The following COL6A5 variants were observed in gnomAD, a reference collection of about 807,000 sequenced individuals.
COL6A5 encodes collagen type VI alpha 5 chain.
COL6A5 carries 48 observed loss-of-function variants against 65.6 expected under a neutral mutation model. That is an observed-to-expected ratio of 0.73 (90% CI 0.58 to 0.93). The LOEUF (loss-of-function observed/expected upper bound fraction) is 0.93. COL6A5 is among the 40% of genes least tolerant of loss of function. COL6A5 has a pLI of 0.00. For synonymous variants in COL6A5, 291 were observed against 322.8 expected (o/e 0.90, Z 1.05); for missense variants, 914 against 928.3 (o/e 0.98, Z 0.20).
At chr3:130,424,193 A>G (rs1937563332) in intron 29 of COL6A5, among the ~76,000 whole-genome samples, 1 of 152,158 alleles carries the variant, frequency 6.6e-6, no homozygotes, top group South Asian at 2.1e-4. Context: ...ATTAATAGTA[A>G]ATAAAATATA....
intron 20 of COL6A5, 73 bp downstream of exon 20, chr3:130,410,597 T>TAA: frequency 7.7e-7 from 1 of 1,290,558 alleles, no homozygotes; most frequent in African/African-American, 1.5e-5. Context: ...GAATATTTGT[T>TAA]GTGCACAGTT....
At chr3:130,453,153 C>T (rs539283080) in intron 4 of COL6A5, among the ~76,000 whole-genome samples, 8 of 151,878 alleles carry the variant, frequency 5.3e-5, no homozygotes, top group South Asian at 2.1e-4. Context: ...CCTCAGCTTA[C>T]GAGATGACAG....
At chr3:130,403,587 A>G in intron 12 of COL6A5, 22 bp from the exon 13 acceptor site, 2 of 1,548,136 alleles carry the variant, frequency 1.3e-6, no homozygotes, top group Non-Finnish European at 8.7e-7. Context: ...ACTAAAATGT[A>G]TTGTTCTCTC....
chr3:130,466,493 C>T (rs1709819848), intron 5 of COL6A5, among the ~76,000 whole-genome samples: 1 of 151,824 alleles, frequency 6.6e-6, no homozygotes, highest in African/African-American at 2.4e-5. Flanking sequence ...AAATAAATAG[C>T]ATTAAATGCC....
At chr3:130,402,747 T>C (rs995363436) in intron 12 of COL6A5, among the ~76,000 whole-genome samples, 3 of 152,150 alleles carry the variant, frequency 2.0e-5, no homozygotes, top group African/African-American at 7.2e-5. Context: ...ACCTTATATA[T>C]ATAAAAATTA....
intron 7 of COL6A5, 111 bp from the exon 40 acceptor site, chr3:130,471,571 C>A: frequency 2.0e-6 from 2 of 1,004,630 alleles, no homozygotes; most frequent in East Asian, 2.6e-5. Context: ...TTGGACTATT[C>A]CAATCACATA....
exon 8 of COL6A5, chr3:130,395,311 G>A: frequency 1.3e-6 from 2 of 1,551,438 alleles, no homozygotes; most frequent in South Asian, 2.4e-5. Flanking sequence ...TTTGTGTCCT[G>A]GTTTTGGGCA....
At position 130,398,612 on chromosome 3, in the gene COL6A5, C is replaced by T. The variant is rs1301568547; in HGVS notation, c.3991+501C>T. On this transcript the variant is annotated intron_variant and NMD_transcript_variant, in intron 10 of 41. Coordinates refer to the COL6A5 transcript ENST00000312481. ...ATGCTGCAAATGCTGTGGCCAAGTG[C>T]TTAGACTTATGACCTTCTATATAGA... Among the ~76,000 whole-genome samples, 4 of 152,270 alleles carry T rather than the reference C, an allele frequency of 2.6e-5. No individual in the cohort carries two copies. The South Asian group carries it at 6.2e-4, about 24-fold the overall frequency.
intron 7 of COL6A5, among the ~76,000 whole-genome samples, chr3:130,394,305 T>C (rs1209716908): frequency 6.6e-6 from 1 of 152,178 alleles, no homozygotes; most frequent in African/African-American, 2.4e-5. Context: ...AGATACCAGC[T>C]CCACTCCATA....
chr3:130,391,462 A>T, exon 7 of COL6A5: 2 of 1,551,744 alleles, frequency 1.3e-6, no homozygotes, highest in South Asian at 2.4e-5. Context: ...TCAAGCACGC[A>T]AATGCCCTGT....
chr3:130,439,581 A>T (rs1209675227), exon 2 of COL6A5: 2 of 1,551,344 alleles, frequency 1.3e-6, no homozygotes, highest in Non-Finnish European at 1.7e-6. Flanking sequence ...AAAATCAAAC[A>T]TTAGAAAGAC....
At chr3:130,440,620 A>G in exon 3 of COL6A5, 1 of 1,613,454 alleles carries the variant, frequency 6.2e-7, no homozygotes. Flanking sequence ...ATGAGAGAAA[A>G]GAATTTGTAA....
chr3:130,376,872 C>G (rs555376244), intron 3 of COL6A5, 36 bp downstream of exon 3: 2 of 1,560,438 alleles, frequency 1.3e-6, no homozygotes, highest in Admixed American at 3.7e-5. Flanking sequence ...TGCCTGATCC[C>G]CAGGTGGGTC....
intron 5 of COL6A5, among the ~76,000 whole-genome samples, chr3:130,466,773 G>A (rs529129253): frequency 6.6e-6 from 1 of 152,072 alleles, no homozygotes; most frequent in East Asian, 1.9e-4. Context: ...AGAAATGAGA[G>A]GGGAGATGTA....
At chr3:130,472,121 C>T (rs1057460003) in intron 7 of COL6A5, among the ~76,000 whole-genome samples, 195 bp downstream of exon 40, 2 of 151,894 alleles carry the variant, frequency 1.3e-5, no homozygotes, top group East Asian at 1.9e-4. Context: ...TTGACATATT[C>T]GAATTACAAG....
At chr3:130,464,137 T>A (rs550261115) in intron 5 of COL6A5, among the ~76,000 whole-genome samples, 1 of 152,184 alleles carries the variant, frequency 6.6e-6, no homozygotes, top group South Asian at 2.1e-4. Flanking sequence ...CTTTTTCTTT[T>A]TCATTCTTTT....
intron 1 of COL6A5, among the ~76,000 whole-genome samples, chr3:130,372,959 C>T (rs1277326944): frequency 6.6e-6 from 1 of 152,034 alleles, no homozygotes; most frequent in Non-Finnish European, 1.5e-5. Flanking sequence ...GGTTAAATTC[C>T]TGAGATTTTA....
At chr3:130,393,301 A>G (rs976242540) in intron 7 of COL6A5, among the ~76,000 whole-genome samples, 2 of 151,746 alleles carry the variant, frequency 1.3e-5, no homozygotes, top group Non-Finnish European at 2.9e-5. Flanking sequence ...GTGCCTGCCT[A>G]CGTCTCACTT....
Position 130,389,213 on chromosome 3 carries a change from G to T in COL6A5, c.2416+79G>T, listed in dbSNP as rs1216163888. 7 of 968,604 alleles carry T rather than the reference G, an allele frequency of 7.2e-6. No individual in the cohort carries two copies. In the East Asian group the frequency reaches 1.7e-4, roughly 24 times the overall value. 60.0% of individuals were successfully genotyped at this position (968,604 alleles called of 1,614,324 possible). ...AATGAGAAACAGTGAATGGCACTCT[G>T]GCCCTGACCTCCACCTGGACTTCAG... On this transcript the variant is annotated intron_variant and NMD_transcript_variant, in intron 6 of 41. Coordinates refer to the COL6A5 transcript ENST00000312481.
Sources: allele counts gnomAD v4.1 joint callset (sites outside exome capture counted in the v4.1 genomes callset), GRCh38; gene constraint gnomAD v4.1.1; transcripts MANE v1.5; gene names NCBI Gene and HGNC (gene_info 2026-07-23, HGNC 2026-07-21).